Variants in MTR observed in about 807,000 individuals in gnomAD.
MTR encodes methionine synthase.
A neutral mutation model predicts 154.8 loss-of-function variants in MTR; 84 were observed. The observed-to-expected ratio is 0.54, with a 90% CI of 0.45 to 0.65. MTR has a LOEUF of 0.65. Among genes scored for constraint, MTR ranks in the 30% least tolerant of loss-of-function variants. The pLI is 0.00. For missense variants in MTR, 1,275 were observed against 1,570.2 expected, an observed-to-expected ratio of 0.81 and a Z score of 3.18; for synonymous variants, 554 against 553.9, an observed-to-expected ratio of 1.00 and a Z score of 0.00.
In MTR at chr1:236,813,329, G is replaced by A. The variant is rs1661410651; in HGVS notation, c.609+485G>A. Among the ~76,000 whole-genome samples, 3 of 147,158 alleles carry A rather than the reference G, an allele frequency of 2.0e-5. No individual in the cohort carries two copies. The South Asian group carries it at 6.3e-4, about 31-fold the overall frequency. On this transcript the variant is annotated intron_variant, in intron 6 of 32. Transcript: ENST00000366577. The stretch of plus-strand genomic sequence containing the variant: ...ATGCAAAGGCACATAAGTGTATATG[G>A]AGAGAGAAGCAAATATCCTTATACA...
chr1:236,808,881 G>GT lies in MTR; in HGVS notation c.409+109dup, dbSNP rs376897438. On this transcript the variant is annotated intron_variant, in intron 4 of 32. Coordinates refer to ENST00000366577, the MANE Select transcript of MTR (RefSeq NM_000254.3). Reference sequence around the variant, plus strand: ...TCCTTATGTGGCCTTTGGCTTACGAGTAACACTGCAGAGACTGTATTTTAC... The same window carrying GT: ...TCCTTATGTGGCCTTTGGCTTACGAGTTAACACTGCAGAGACTGTATTTTAC... The GT allele has an allele frequency of 1.4e-3, 1,331 of 954,082 alleles. 13 individuals carry two copies. The African/African-American group carries it at 0.019, about 13-fold the overall frequency. The allele number at this position is 954,082 out of a possible 1,614,324, so 59.1% of individuals were successfully genotyped here.
intron 31 of MTR, 128 bp from the exon 32 acceptor site, chr1:236,896,878 G>T: frequency 1.3e-6 from 1 of 780,966 alleles, no homozygotes; most frequent in South Asian, 1.4e-5. Context: ...TGTGTCATGT[G>T]TCTACCTAGA....
intron 12 of MTR, among the ~76,000 whole-genome samples, chr1:236,830,004 A>G (rs1314333322): frequency 6.6e-6 from 1 of 152,228 alleles, no homozygotes; most frequent in Non-Finnish European, 1.5e-5. Context: ...TTAGAATTTA[A>G]CATCTCTCTG....
At chr1:236,840,633 G>A (rs1663174318) in intron 15 of MTR, among the ~76,000 whole-genome samples, 1 of 152,192 alleles carries the variant, frequency 6.6e-6, no homozygotes, top group African/African-American at 2.4e-5. Context: ...TTGTATAAAC[G>A]AGATTATACC....
At chr1:236,846,343 T>G (rs901114264) in intron 15 of MTR, among the ~76,000 whole-genome samples, 1 of 152,212 alleles carries the variant, frequency 6.6e-6, no homozygotes, top group Non-Finnish European at 1.5e-5. Flanking sequence ...TATGACAATT[T>G]TTGATAACGT....
chr1:236,893,529 T>C (rs565242411), intron 29 of MTR, among the ~76,000 whole-genome samples: 1 of 152,316 alleles, frequency 6.6e-6, no homozygotes, highest in East Asian at 1.9e-4. Flanking sequence ...TGGTATCACC[T>C]ATGTCACAAG....
chr1:236,812,041 TG>T (rs534681657), intron 5 of MTR, among the ~76,000 whole-genome samples: 163 of 152,314 alleles, frequency 1.1e-3, no homozygotes, highest in African/African-American at 3.7e-3. Flanking sequence ...CCATCACGCC[TG>T]GCTAATTTTT....
At chr1:236,832,552 T>G (rs184108254) in intron 13 of MTR, among the ~76,000 whole-genome samples, 29 of 152,302 alleles carry the variant, frequency 1.9e-4, no homozygotes, top group African/African-American at 6.7e-4. Context: ...CTTGGAAAGT[T>G]TATGTGATAG....
chr1:236,829,399 C>T, intron 12 of MTR, 131 bp downstream of exon 12: 2 of 817,610 alleles, frequency 2.4e-6, no homozygotes, highest in Non-Finnish European at 4.2e-6. Context: ...ATTCTTGGCG[C>T]TTAAATGAAT....
chr1:236,879,001 T>G (rs1273191642), intron 24 of MTR, among the ~76,000 whole-genome samples: 2 of 152,238 alleles, frequency 1.3e-5, no homozygotes, highest in Admixed American at 6.5e-5. Context: ...GGACATACTG[T>G]TAGGAAGATG....
chr1:236,834,027 G>A (rs1414646733), intron 13 of MTR, among the ~76,000 whole-genome samples: 1 of 152,140 alleles, frequency 6.6e-6, no homozygotes, highest in Non-Finnish European at 1.5e-5. Flanking sequence ...GTATGGCAGT[G>A]CCCAGTAGTT....
chr1:236,795,488 A>C lies in MTR; in HGVS notation c.-216A>C. 6.6e-7 allele frequency: 1 copy of C among 1,517,336 alleles called. No individual in the cohort carries two copies. The highest frequency in any genetic ancestry group is 8.8e-7 in the Non-Finnish European group (1 of 1,134,718). The allele number at this position is 1,517,336 out of a possible 1,614,324, so 94.0% of individuals were successfully genotyped here. A position where few individuals can be genotyped will look rare whatever the true frequency, so the allele number is the denominator to read the frequency against. On this transcript the variant is annotated 5_prime_UTR_variant, in exon 1 of 33. Coordinates refer to ENST00000366577, the MANE Select transcript of MTR (RefSeq NM_000254.3). The stretch of plus-strand genomic sequence containing the variant: ...CCGGGAAGAAAGCACGTGCTCCAGC[A>C]GTTGCCGCGCCCAGCCCCGAGAGAG...
intron 4 of MTR, 77 bp from the exon 5 acceptor site, chr1:236,810,426 A>G: frequency 8.4e-7 from 1 of 1,195,952 alleles, no homozygotes; most frequent in South Asian, 1.2e-5. Context: ...CCAGAAAAAA[A>G]TCTTATTGGC....
chr1:236,861,419 T>C (rs1211822822), intron 20 of MTR, 142 bp downstream of exon 20: 1 of 1,265,578 alleles, frequency 7.9e-7, no homozygotes, highest in Non-Finnish European at 1.1e-6. Context: ...TCTAAATATG[T>C]TTAGGAGTCA....
chr1:236,855,499 A>T (rs1031800645), intron 18 of MTR, among the ~76,000 whole-genome samples: 1 of 152,092 alleles, frequency 6.6e-6, no homozygotes, highest in African/African-American at 2.4e-5. Flanking sequence ...TCTGGATAGG[A>T]TGGCTGTGGA....
In MTR at chr1:236,895,530, C is replaced by G; in HGVS notation, c.3578C>G (p.Ala1193Gly). ...HTEKLTMWRL[A>G]DIEQSTGIRL... ...GAGAAGCTCACCATGTGGAGACTCG[C>G]AGACATCGAGCAGTCTACAGGTAGG... is the stretch of plus-strand genomic sequence containing the variant. The change falls in exon 31 of 33, where the codon GCA (alanine) becomes GGA (glycine). Residue 1193 changes from alanine to glycine, a missense_variant. By Grantham distance (60) the Ala-to-Gly change is moderately conservative (BLOSUM62 0). Coordinates refer to ENST00000366577, the MANE Select transcript of MTR (RefSeq NM_000254.3). 6.3e-7 allele frequency: 1 copy of G among 1,577,770 alleles called. No homozygotes were observed. Among genetic ancestry groups the G allele is most frequent in the East Asian group, 2.3e-5 (1 of 42,832 alleles).
chr1:236,872,926 A>C (rs1346340605), intron 22 of MTR, among the ~76,000 whole-genome samples: 1 of 152,222 alleles, frequency 6.6e-6, no homozygotes, highest in Non-Finnish European at 1.5e-5. Context: ...TCAAGGCTGC[A>C]GTGAGCCGTA....
chr1:236,887,198 T>A (rs1666060167), intron 27 of MTR, among the ~76,000 whole-genome samples: 1 of 152,242 alleles, frequency 6.6e-6, no homozygotes, highest in Non-Finnish European at 1.5e-5. Context: ...GTTCTACACA[T>A]GCTTGGCAGA....
chr1:236,812,973 C>T lies in MTR; in HGVS notation c.609+129C>T, dbSNP rs187159444. The T allele has an allele frequency of 2.5e-4, 199 of 783,820 alleles. 1 individual carries two copies. The African/African-American group carries it at 2.8e-3, about 11-fold the overall frequency. 48.6% of individuals were successfully genotyped at this position (783,820 alleles called of 1,614,324 possible). On this transcript the variant is annotated intron_variant, in intron 6 of 32. Transcript: ENST00000366577. The stretch of plus-strand genomic sequence containing the variant: ...TTACCTGTATTTGCTCCATTTTATT[C>T]TTGAGTATTTTTAACTGAGGCCAGT...
Sources: gnomAD v4.1 joint callset for allele counts (sites outside exome capture counted in the v4.1 genomes callset) on GRCh38, gnomAD v4.1.1 for gene constraint, MANE v1.5 for transcripts, NCBI Gene and HGNC (gene_info 2026-07-23, HGNC 2026-07-21) for gene names.